The following RANBP17 variants were observed in gnomAD, a reference collection of about 807,000 sequenced individuals.
RANBP17 encodes RAN binding protein 17, also known as ran-binding protein 17.
Under a neutral mutation model 141.2 loss-of-function variants are expected in RANBP17, and 158 were observed. The ratio of observed to expected loss-of-function variants is 1.12; its 90% CI spans 0.98 to 1.28. RANBP17 has a LOEUF of 1.28. RANBP17 is among the 50% of genes most tolerant of loss of function. The pLI is 0.00. For missense variants in RANBP17, 1,438 were observed against 1,290.7 expected, an observed-to-expected ratio of 1.11 and a Z score of -1.75; for synonymous variants, 430 against 450.0, an observed-to-expected ratio of 0.96 and a Z score of 0.56.
intron 14 of RANBP17, among the ~76,000 whole-genome samples, chr5:171,044,960 T>TG (rs1782475244): frequency 6.6e-6 from 1 of 151,190 alleles, no homozygotes; most frequent in African/African-American, 2.4e-5. Context: ...ACCTATGGAA[T>TG]AATAACATGT....
At chr5:170,934,761 G>T (rs2127464068) in intron 12 of RANBP17, among the ~76,000 whole-genome samples, 1 of 152,160 alleles carries the variant, frequency 6.6e-6, no homozygotes, top group East Asian at 1.9e-4. Flanking sequence ...TTCAACTTTG[G>T]TGAATCTGAC....
At chr5:170,949,768 A>G (rs1380112736) in intron 12 of RANBP17, among the ~76,000 whole-genome samples, 1 of 152,188 alleles carries the variant, frequency 6.6e-6, no homozygotes, top group Non-Finnish European at 1.5e-5. Flanking sequence ...AATCTTGTAC[A>G]CAAATGTTCA....
At chr5:171,091,317 G>A (rs572370194) in intron 14 of RANBP17, among the ~76,000 whole-genome samples, 24 of 152,158 alleles carry the variant, frequency 1.6e-4, no homozygotes, top group East Asian at 9.7e-4. Context: ...TGCATGGGGC[G>A]TTTAGCCCGT....
chr5:170,938,452 G>C (rs1299353150), intron 12 of RANBP17, among the ~76,000 whole-genome samples: 1 of 152,134 alleles, frequency 6.6e-6, no homozygotes, highest in African/African-American at 2.4e-5. Flanking sequence ...TGCCATGAAT[G>C]AGCACTAACA....
At chr5:170,954,445 G>T (rs1187344726) in intron 13 of RANBP17, among the ~76,000 whole-genome samples, 1 of 151,122 alleles carries the variant, frequency 6.6e-6, no homozygotes, top group East Asian at 1.9e-4. Flanking sequence ...AACTTATTTT[G>T]GGCTATTATA....
chr5:171,135,472 A>G (rs10516077), intron 14 of RANBP17, among the ~76,000 whole-genome samples: 35,961 of 151,808 alleles, frequency 0.24, 5,517 homozygotes, highest in African/African-American at 0.43. Context: ...ACCTGAACCT[A>G]TGGGAATATT....
At chr5:170,983,882 G>T (rs563456468) in intron 14 of RANBP17, among the ~76,000 whole-genome samples, 11 of 152,132 alleles carry the variant, frequency 7.2e-5, no homozygotes, top group South Asian at 2.1e-4. Context: ...AGAAGAATTA[G>T]TTGAAGCTGC....
At chr5:171,254,107 T>C (rs1322437937) in intron 24 of RANBP17, among the ~76,000 whole-genome samples, 2 of 151,456 alleles carry the variant, frequency 1.3e-5, no homozygotes, top group East Asian at 3.9e-4. Flanking sequence ...ATTAGCCGGG[T>C]GTGGTGGCAT....
chr5:171,131,057 T>C (rs917690283), intron 14 of RANBP17, among the ~76,000 whole-genome samples: 7 of 152,180 alleles, frequency 4.6e-5, no homozygotes, highest in Non-Finnish European at 1.5e-5. Context: ...CAGAATTGGG[T>C]TCACATATGG....
At chr5:171,112,724 T>C (rs765253510) in intron 14 of RANBP17, among the ~76,000 whole-genome samples, 2 of 151,936 alleles carry the variant, frequency 1.3e-5, no homozygotes, top group Non-Finnish European at 2.9e-5. Context: ...TAATATCCTT[T>C]GTTTCCATGG....
At chr5:170,966,256 A>G (rs994687447) in intron 13 of RANBP17, among the ~76,000 whole-genome samples, 6 of 152,042 alleles carry the variant, frequency 3.9e-5, no homozygotes, top group African/African-American at 1.5e-4. Context: ...AGAATTTTAG[A>G]CCAATATCCT....
chr5:170,864,749 T>C (rs1034653745), intron 1 of RANBP17, among the ~76,000 whole-genome samples: 3 of 151,762 alleles, frequency 2.0e-5, no homozygotes, highest in Non-Finnish European at 4.4e-5. Flanking sequence ...GCAGGAAATA[T>C]AGCCATGCTT....
intron 25 of RANBP17, among the ~76,000 whole-genome samples, chr5:171,275,810 C>T (rs1306169390): frequency 1.3e-5 from 2 of 152,022 alleles, no homozygotes; most frequent in East Asian, 3.9e-4. Context: ...GGAGGTTCCC[C>T]TACCCCCACC....
intron 25 of RANBP17, among the ~76,000 whole-genome samples, chr5:171,269,202 C>T (rs1326372451): frequency 6.6e-6 from 1 of 152,122 alleles, no homozygotes; most frequent in Non-Finnish European, 1.5e-5. Context: ...ACATCATCTC[C>T]TTAGGTTACT....
At chr5:171,171,885 TTC>T (rs1426337545) in intron 16 of RANBP17, among the ~76,000 whole-genome samples, 2 of 151,994 alleles carry the variant, frequency 1.3e-5, no homozygotes, top group African/African-American at 2.4e-5. Flanking sequence ...ATGTTTAGAT[TTC>T]TCTGTCTAGC....
At chr5:170,878,281 A>G in intron 2 of RANBP17, 38 bp downstream of exon 2, 6 of 1,529,652 alleles carry the variant, frequency 3.9e-6, no homozygotes, top group Non-Finnish European at 5.3e-6. Context: ...ATGAAAGATC[A>G]GTAGATGTAT....
chr5:171,105,110 C>T (rs1054180437), intron 14 of RANBP17, among the ~76,000 whole-genome samples: 9 of 151,834 alleles, frequency 5.9e-5, no homozygotes, highest in African/African-American at 9.7e-5. Context: ...CAGCCGGGCG[C>T]GGTGGCTCAC....
chr5:171,220,855 T>C (rs1469321115), intron 21 of RANBP17, among the ~76,000 whole-genome samples: 1 of 152,238 alleles, frequency 6.6e-6, no homozygotes, highest in Non-Finnish European at 1.5e-5. Context: ...ATGCAAATTA[T>C]GTATATGCAT....
At chr5:171,045,129 T>C (rs970951869) in intron 14 of RANBP17, among the ~76,000 whole-genome samples, 6 of 152,110 alleles carry the variant, frequency 3.9e-5, no homozygotes, top group Non-Finnish European at 7.4e-5. Flanking sequence ...AATTATAATG[T>C]ATAACTTAAC....
Sources: gnomAD v4.1 joint callset for allele counts (sites outside exome capture counted in the v4.1 genomes callset) on GRCh38, gnomAD v4.1.1 for gene constraint, MANE v1.5 for transcripts, NCBI Gene and HGNC (gene_info 2026-07-23, HGNC 2026-07-21) for gene names.